The following SCHIP1 variants were observed in gnomAD, a reference collection of about 807,000 sequenced individuals.
SCHIP1 encodes schwannomin-interacting protein 1.
In SCHIP1, 8 loss-of-function variants were observed where a neutral mutation model predicts 29.7. That is an observed-to-expected ratio of 0.27 (90% confidence interval 0.16 to 0.49). The LOEUF is 0.49. Among genes scored for constraint, SCHIP1 ranks in the 20% least tolerant of loss-of-function variants. The pLI is 0.99. For synonymous variants in SCHIP1, 76 were observed against 94.9 expected (o/e 0.80, Z 1.16); for missense variants, 193 against 294.6 (o/e 0.66, Z 2.52).
At chr3:159,384,504 G>A in the SCHIP1 span, among the ~76,000 whole-genome samples, 56 of 139,392 alleles carry the variant, frequency 4.0e-4, no homozygotes, top group African/African-American at 4.5e-4. Flanking sequence ...TGCTGGATTC[G>A]GTTTGCCAGT....
chr3:159,733,653 C>T, the SCHIP1 span, among the ~76,000 whole-genome samples: 5 of 152,166 alleles, frequency 3.3e-5, no homozygotes, highest in African/African-American at 2.4e-5. Context: ...TAAAAATATT[C>T]ATTCATCTGA....
chr3:159,754,774 G>A, the SCHIP1 span, among the ~76,000 whole-genome samples: 2 of 152,194 alleles, frequency 1.3e-5, no homozygotes, highest in South Asian at 2.1e-4. Context: ...TCATGTTCAT[G>A]TAGACTTGGA....
chr3:159,808,655 T>C, the SCHIP1 span: 2 of 152,218 alleles, frequency 1.3e-5, no homozygotes, highest in African/African-American at 4.8e-5. Context: ...CAAGAACACA[T>C]ACTAGCGTGG....
the SCHIP1 span, among the ~76,000 whole-genome samples, chr3:159,590,535 C>T: frequency 6.6e-6 from 1 of 151,852 alleles, no homozygotes; most frequent in South Asian, 2.1e-4. Flanking sequence ...GAAATTGTGC[C>T]ACTGCACTCC....
chr3:159,892,430 A>G, intron 6 of SCHIP1: 1 of 597,596 alleles, frequency 1.7e-6, no homozygotes, highest in Non-Finnish European at 3.0e-6. Flanking sequence ...TACTTCTCAC[A>G]TCTCCGCCTA....
chr3:159,397,423 T>A, the SCHIP1 span, among the ~76,000 whole-genome samples: 2 of 152,368 alleles, frequency 1.3e-5, no homozygotes, highest in East Asian at 3.9e-4. Context: ...CCAGTCTTTC[T>A]GTTCTTTTTT....
the SCHIP1 span, chr3:159,273,733 C>A: frequency 6.4e-7 from 1 of 1,563,580 alleles, no homozygotes; most frequent in East Asian, 2.4e-5. Flanking sequence ...ACTAGCTAAC[C>A]CAGGTGACCC....
At chr3:159,384,947 C>T in the SCHIP1 span, among the ~76,000 whole-genome samples, 9 of 152,060 alleles carry the variant, frequency 5.9e-5, no homozygotes, top group East Asian at 1.9e-4. Flanking sequence ...TCTGTGGGAT[C>T]GGTGGTGATA....
At chr3:159,693,670 A>C in the SCHIP1 span, among the ~76,000 whole-genome samples, 1 of 152,232 alleles carries the variant, frequency 6.6e-6, no homozygotes, top group African/African-American at 2.4e-5. Context: ...AGGTCACATC[A>C]GTTCTATAAA....
the SCHIP1 span, among the ~76,000 whole-genome samples, chr3:159,677,915 A>G: frequency 6.6e-6 from 1 of 152,132 alleles, no homozygotes; most frequent in East Asian, 1.9e-4. Context: ...AGCTCACTAT[A>G]ACCTCGAAGT....
chr3:159,715,031 C>T, the SCHIP1 span, among the ~76,000 whole-genome samples: 1 of 152,162 alleles, frequency 6.6e-6, no homozygotes, highest in South Asian at 2.1e-4. Context: ...GCTGGGTGCC[C>T]CTCTGAGAGG....
At chr3:159,510,593 G>A in the SCHIP1 span, among the ~76,000 whole-genome samples, 2 of 152,152 alleles carry the variant, frequency 1.3e-5, no homozygotes, top group African/African-American at 4.8e-5. Flanking sequence ...CCCCATCTTT[G>A]TGGTTTTATC....
chr3:159,845,604 A>G (rs1444272640), intron 1 of SCHIP1: 2 of 151,940 alleles, frequency 1.3e-5, no homozygotes, highest in Non-Finnish European at 2.9e-5. Flanking sequence ...CTGGTCTCAA[A>G]CTTCTGACCT....
the SCHIP1 span, among the ~76,000 whole-genome samples, chr3:159,628,604 G>GA: frequency 2.0e-5 from 3 of 151,880 alleles, no homozygotes; most frequent in Non-Finnish European, 2.9e-5. Flanking sequence ...TCTAGAAATG[G>GA]AAAAAAATAC....
the SCHIP1 span, among the ~76,000 whole-genome samples, chr3:159,675,558 T>C: frequency 1.3e-5 from 2 of 152,214 alleles, no homozygotes; most frequent in East Asian, 3.9e-4. Context: ...GCCAGGAAAC[T>C]GCCTTCCAGG....
At chr3:159,403,409 C>T in the SCHIP1 span, among the ~76,000 whole-genome samples, 10 of 152,014 alleles carry the variant, frequency 6.6e-5, no homozygotes, top group African/African-American at 2.2e-4. Flanking sequence ...AAAACAGTCT[C>T]GAATTGTCAA....
the SCHIP1 span, among the ~76,000 whole-genome samples, chr3:159,697,911 AT>A: frequency 6.6e-6 from 1 of 152,384 alleles, no homozygotes. Context: ...AGCAATTAAA[AT>A]TTGATATATG....
the SCHIP1 span, among the ~76,000 whole-genome samples, chr3:159,337,332 G>T: frequency 8.5e-5 from 13 of 152,182 alleles, no homozygotes; most frequent in East Asian, 2.5e-3. Context: ...ACATAGTGTT[G>T]GAAGTTCTGG....
the SCHIP1 span, among the ~76,000 whole-genome samples, chr3:159,777,347 A>AT: frequency 1.3e-5 from 2 of 152,204 alleles, no homozygotes; most frequent in Non-Finnish European, 2.9e-5. Context: ...AAGAAATCTT[A>AT]AGGAGGAAAA....
Sources: allele counts gnomAD v4.1 joint callset (sites outside exome capture counted in the v4.1 genomes callset), GRCh38; gene constraint gnomAD v4.1.1; transcripts MANE v1.5; gene names NCBI Gene and HGNC (gene_info 2026-07-23, HGNC 2026-07-21).